CPQ: variants seen among roughly 807,000 people sequenced by gnomAD.
The protein encoded by CPQ is Ser-Met dipeptidase.
Under a neutral mutation model 45.7 loss-of-function variants are expected in CPQ, and 37 were observed. That is an observed-to-expected ratio of 0.81 (90% CI 0.62 to 1.07). The LOEUF is 1.07. Ranked by LOEUF, CPQ falls within the 50% of genes least tolerant of loss-of-function variation. The probability of loss-of-function intolerance (pLI) is 0.00; values close to 1 mark genes in which losing one functional copy is unlikely to be tolerated. For missense variants in CPQ, 537 were observed against 572.9 expected (o/e 0.94, Z 0.64); for synonymous variants, 186 against 205.8 (o/e 0.90, Z 0.82).
chr8:96,683,005 A>G (rs1215118201), intron 1 of CPQ, among the ~76,000 whole-genome samples: 2 of 152,036 alleles, frequency 1.3e-5, no homozygotes, highest in African/African-American at 2.4e-5. Context: ...TGGTTGTTTT[A>G]TATATCATTT....
intron 1 of CPQ, among the ~76,000 whole-genome samples, chr8:96,777,736 A>G (rs1381890981): frequency 1.8e-4 from 1 of 5,554 alleles, no homozygotes. Flanking sequence ...ATATATATAT[A>G]TATATATATA....
At chr8:97,112,047 T>A (rs570577295) in intron 7 of CPQ, among the ~76,000 whole-genome samples, 54 of 152,294 alleles carry the variant, frequency 3.5e-4, no homozygotes, top group African/African-American at 1.3e-3. Flanking sequence ...CTTCCTTATT[T>A]TCCCTTTCCA....
intron 4 of CPQ, among the ~76,000 whole-genome samples, chr8:96,947,292 A>G (rs1002207487): frequency 2.0e-5 from 3 of 152,214 alleles, no homozygotes; most frequent in African/African-American, 7.2e-5. Flanking sequence ...TGGTCTCACA[A>G]AATTATAATG....
chr8:97,042,943 T>C (rs891285840), intron 6 of CPQ, among the ~76,000 whole-genome samples: 1 of 152,144 alleles, frequency 6.6e-6, no homozygotes, highest in Non-Finnish European at 1.5e-5. Context: ...GGTGTGGTGC[T>C]GAAAAAAATG....
At chr8:96,753,508 AAGTTTTCTTCTATCTTGC>A (rs1810289468) in intron 1 of CPQ, among the ~76,000 whole-genome samples, 2 of 139,378 alleles carry the variant, frequency 1.4e-5, no homozygotes, top group Non-Finnish European at 3.3e-5. Context: ...CCATTTGTTT[AAGTTTTCTTCTATCTTGC>A]ATCCCTCAAG....
intron 1 of CPQ, among the ~76,000 whole-genome samples, chr8:96,658,294 G>A (rs1012681060): frequency 6.6e-6 from 1 of 152,178 alleles, no homozygotes; most frequent in Non-Finnish European, 1.5e-5. Context: ...ATAACTCACT[G>A]GCACCTTGCA....
At chr8:96,813,217 T>C (rs921672842) in intron 2 of CPQ, among the ~76,000 whole-genome samples, 5 of 152,122 alleles carry the variant, frequency 3.3e-5, no homozygotes, top group Non-Finnish European at 5.9e-5. Context: ...CATTCTTCTA[T>C]GTAATCAAGA....
At chr8:96,945,956 T>G (rs954439889) in intron 4 of CPQ, among the ~76,000 whole-genome samples, 7 of 152,210 alleles carry the variant, frequency 4.6e-5, no homozygotes, top group Non-Finnish European at 1.0e-4. Flanking sequence ...TGACTTGCCT[T>G]CAGCAGTGGC....
chr8:97,002,628 T>C (rs1029894643), intron 5 of CPQ, among the ~76,000 whole-genome samples: 1 of 152,168 alleles, frequency 6.6e-6, no homozygotes, highest in Non-Finnish European at 1.5e-5. Flanking sequence ...TCCAAGAGAC[T>C]GTTAATATTT....
intron 7 of CPQ, among the ~76,000 whole-genome samples, chr8:97,084,892 G>T (rs377165667): frequency 4.7e-5 from 7 of 150,036 alleles, no homozygotes; most frequent in Middle Eastern, 3.4e-3. Flanking sequence ...GAGCATAAAG[G>T]CTTTCTCTTA....
At chr8:96,972,402 C>G (rs1035407120) in intron 5 of CPQ, among the ~76,000 whole-genome samples, 2 of 152,222 alleles carry the variant, frequency 1.3e-5, no homozygotes, top group Non-Finnish European at 2.9e-5. Context: ...CCTTCCCCCA[C>G]CTGGTAGTCT....
intron 4 of CPQ, among the ~76,000 whole-genome samples, chr8:96,937,525 G>A (rs1285661173): frequency 6.6e-6 from 1 of 152,136 alleles, no homozygotes; most frequent in Non-Finnish European, 1.5e-5. Flanking sequence ...GGAGATAGTA[G>A]TACTGGAAGT....
chr8:97,078,213 C>T (rs1230805858), intron 7 of CPQ, among the ~76,000 whole-genome samples: 2 of 152,134 alleles, frequency 1.3e-5, no homozygotes, highest in Admixed American at 6.6e-5. Flanking sequence ...TGATATCATC[C>T]TGGCTTTCTG....
At chr8:97,023,029 CAG>C (rs1563557139) in intron 5 of CPQ, among the ~76,000 whole-genome samples, 2 of 143,088 alleles carry the variant, frequency 1.4e-5, no homozygotes, top group African/African-American at 5.3e-5. Context: ...TATATATATA[CAG>C]TATATATACA....
chr8:97,111,975 A>G (rs1811504489), intron 7 of CPQ, among the ~76,000 whole-genome samples: 2 of 152,124 alleles, frequency 1.3e-5, no homozygotes, highest in South Asian at 4.1e-4. Flanking sequence ...TCTCCAGGAA[A>G]TCCTTCATCT....
At chr8:97,065,978 TAAG>T in intron 6 of CPQ, 28 bp from the exon 7 acceptor site, 1 of 1,604,746 alleles carries the variant, frequency 6.2e-7, no homozygotes, top group East Asian at 2.2e-5. Flanking sequence ...AAGCAACAGA[TAAG>T]AACCAAACAA....
chr8:96,799,158 A>G (rs1810972689), intron 2 of CPQ, among the ~76,000 whole-genome samples: 1 of 152,206 alleles, frequency 6.6e-6, no homozygotes. Context: ...ACATCAATCA[A>G]ATGGTGATTA....
intron 6 of CPQ, chr8:97,056,351 G>T (rs953790829): frequency 6.6e-6 from 1 of 152,132 alleles, no homozygotes; most frequent in East Asian, 1.9e-4. Context: ...AAGTGTGATA[G>T]AGAAAAGAAG....
intron 7 of CPQ, among the ~76,000 whole-genome samples, chr8:97,087,815 T>TCGGG: frequency 6.6e-6 from 1 of 152,348 alleles, no homozygotes; most frequent in East Asian, 1.9e-4. Flanking sequence ...ATATTTTATA[T>TCGGG]TCATAGTCTG....
Sources: allele counts gnomAD v4.1 joint callset (sites outside exome capture counted in the v4.1 genomes callset), GRCh38; gene constraint gnomAD v4.1.1; transcripts MANE v1.5; gene names NCBI Gene and HGNC (gene_info 2026-07-23, HGNC 2026-07-21).